Variants in KATNAL2 observed in about 807,000 individuals in gnomAD.
KATNAL2 encodes katanin p60 ATPase-containing subunit A-like 2.
A neutral mutation model predicts 76.3 loss-of-function variants in KATNAL2; 52 were observed. The observed-to-expected ratio is 0.68, with a 90% CI of 0.55 to 0.86. The LOEUF is 0.86. Ranked by LOEUF, KATNAL2 falls within the 40% of genes least tolerant of loss-of-function variation. KATNAL2 has a pLI of 0.00. For missense variants in KATNAL2, 660 were observed against 668.9 expected (o/e 0.99, Z 0.15); for synonymous variants, 243 against 244.2 (o/e 1.00, Z 0.05).
intron 3 of KATNAL2, chr18:47,034,134 C>T: frequency 1.2e-6 from 2 of 1,614,220 alleles, no homozygotes; most frequent in African/African-American, 2.7e-5. Flanking sequence ...GAGTGGGCTG[C>T]TCGAATTCCT....
intron 1 of KATNAL2, among the ~76,000 whole-genome samples, chr18:46,926,314 C>CTCGTGTG (rs2058728873): frequency 6.6e-6 from 1 of 152,072 alleles, no homozygotes; most frequent in African/African-American, 2.4e-5. Flanking sequence ...CAAAGAACAT[C>CTCGTGTG]TTTATTTCTG....
chr18:46,938,343 T>TG (rs1220179818), intron 1 of KATNAL2, among the ~76,000 whole-genome samples: 1 of 152,074 alleles, frequency 6.6e-6, no homozygotes, highest in Non-Finnish European at 1.5e-5. Flanking sequence ...CTGGTACCTC[T>TG]GGGGGATGGG....
At position 47,034,584 on chromosome 18, in the gene KATNAL2, G is replaced by C. The variant is rs781718127; in HGVS notation, c.52-11873G>C. ...GGCGTTTTTCCTGGCGAGACGATTT[G>C]TGCCCCTTGCTGTGGCTCACAACGG... On this transcript the variant is annotated intron_variant, in intron 3 of 17. Transcript: ENST00000683218. The C allele has an allele frequency of 3.7e-6, 6 of 1,614,058 alleles. No homozygotes were observed. In the Admixed American group the frequency reaches 1.0e-4, roughly 27 times the overall value.
At chr18:47,064,979 G>A (rs1474554313) in intron 10 of KATNAL2, among the ~76,000 whole-genome samples, 3 of 152,120 alleles carry the variant, frequency 2.0e-5, no homozygotes, top group Non-Finnish European at 4.4e-5. Context: ...TTAATACCTA[G>A]GTAAATGAAT....
In KATNAL2 at chr18:47,052,953, A is replaced by G; in HGVS notation, c.196A>G (p.Ile66Val). ...GLRRFEVCDN[I>V]DLETILMEYE... ...ACGACGGTTTGAAGTTTGTGACAAC[A>G]TTGATCTTGAAACTATTTTGATGGA... Residue 66 changes from isoleucine to valine, a missense_variant, in exon 5 of 18, where the codon ATT becomes GTT. Ile to Val is a conservative substitution (Grantham distance 29, BLOSUM62 3). Coordinates refer to ENST00000683218, the MANE Select transcript of KATNAL2 (RefSeq NM_001387690.1). 6.2e-7 allele frequency: 1 copy of G among 1,612,218 alleles called. No homozygotes were observed. Among genetic ancestry groups the G allele is most frequent in the African/African-American group, 1.3e-5 (1 of 75,030 alleles).
chr18:47,042,473 G>A (rs2060995469), intron 3 of KATNAL2, among the ~76,000 whole-genome samples: 1 of 152,080 alleles, frequency 6.6e-6, no homozygotes, highest in Non-Finnish European at 1.5e-5. Flanking sequence ...TGTTTTACCT[G>A]CCTACTTACA....
At chr18:46,954,104 A>AGGTAGTCCT (rs1198774968) in intron 3 of KATNAL2, among the ~76,000 whole-genome samples, 1 of 151,820 alleles carries the variant, frequency 6.6e-6, no homozygotes, top group Non-Finnish European at 1.5e-5. Context: ...CAGGTAGTCC[A>AGGTAGTCCT]GGTAGTCCTG....
chr18:47,071,063 G>T (rs1041830303), intron 13 of KATNAL2, among the ~76,000 whole-genome samples: 1 of 152,150 alleles, frequency 6.6e-6, no homozygotes, highest in Non-Finnish European at 1.5e-5. Flanking sequence ...ACAAAATACA[G>T]TATTCACAGG....
At position 47,052,994 on chromosome 18, in the gene KATNAL2, T is replaced by C. The variant is rs780068234; in HGVS notation, c.237T>C (p.Tyr79=). ...TTTTGATGGAATATGAGAGTTATTA[T>C]TTTGTAAAATTTCAGAAATACCCCA... ...ETILMEYESY[Y]FVKFQKYPKI... The change falls in exon 5 of 18, where the codon TAT becomes TAC. Residue 79 remains tyrosine, a synonymous_variant. Coordinates refer to ENST00000683218, the MANE Select transcript of KATNAL2 (RefSeq NM_001387690.1). 1 of 1,607,984 alleles carries C rather than the reference T, an allele frequency of 6.2e-7. No individual in the cohort carries two copies. Among genetic ancestry groups the C allele is most frequent in the South Asian group, 1.1e-5 (1 of 89,276 alleles).
chr18:47,088,664 C>T (rs976869909), intron 15 of KATNAL2, among the ~76,000 whole-genome samples: 1 of 152,118 alleles, frequency 6.6e-6, no homozygotes, highest in Non-Finnish European at 1.5e-5. Context: ...CTGCAACCTC[C>T]GCCTCCCAGG....
In KATNAL2 at chr18:47,101,163, A is replaced by C. The variant is rs1203289671; in HGVS notation, c.*158A>C. The C allele has an allele frequency of 1.3e-6, 1 of 769,402 alleles. No individual in the cohort carries two copies. The highest frequency in any genetic ancestry group is 1.8e-5 in the African/African-American group (1 of 56,952). 47.7% of individuals were successfully genotyped at this position (769,402 alleles called of 1,614,324 possible). On this transcript the variant is annotated 3_prime_UTR_variant, in exon 18 of 18. Coordinates refer to ENST00000683218, the MANE Select transcript of KATNAL2 (RefSeq NM_001387690.1). ...CTGTATTGTTTTGGATAGCTGAGATATATTTATTAACTTACCATTATCGAT... is the reference window on the plus strand; with the variant it reads ...CTGTATTGTTTTGGATAGCTGAGATCTATTTATTAACTTACCATTATCGAT...
intron 15 of KATNAL2, among the ~76,000 whole-genome samples, chr18:47,094,615 T>G (rs762430046): frequency 6.6e-6 from 1 of 152,208 alleles, no homozygotes. Flanking sequence ...GTGGGCTCCA[T>G]GTATTGAGAT....
chr18:47,098,221 CAAAAA>C, intron 15 of KATNAL2: 1 of 309,670 alleles, frequency 3.2e-6, no homozygotes. Flanking sequence ...GACTCCGTCT[CAAAAA>C]AAAAAAAAGT....
intron 17 of KATNAL2, 96 bp from the exon 18 acceptor site, chr18:47,100,770 T>C: frequency 7.1e-7 from 1 of 1,410,220 alleles, no homozygotes; most frequent in South Asian, 1.2e-5. Flanking sequence ...AATGCTGCAT[T>C]ATGCATTATT....
rs554834892 is a variant in KATNAL2, at chr18:47,079,556, G to A, written c.1211+2095G>A. 7.2e-5 allele frequency among the ~76,000 whole-genome samples: 11 copies of A among 151,956 alleles called. No individual in the cohort carries two copies. In the East Asian group the frequency reaches 1.6e-3, roughly 21 times the overall value. Reference sequence around the variant, plus strand: ...ACTACAGGCGCCTGCCACCACGCCCGGCTAATTTTTTTGTATTTTTAATAG... The same window carrying A: ...ACTACAGGCGCCTGCCACCACGCCCAGCTAATTTTTTTGTATTTTTAATAG... On this transcript the variant is annotated intron_variant, in intron 15 of 17. Coordinates refer to ENST00000683218, the MANE Select transcript of KATNAL2 (RefSeq NM_001387690.1).
chr18:47,047,850 A>G (rs1336642864), intron 4 of KATNAL2, among the ~76,000 whole-genome samples: 1 of 152,168 alleles, frequency 6.6e-6, no homozygotes, highest in African/African-American at 2.4e-5. Context: ...CTGGGACTAC[A>G]GGCACATGCC....
At chr18:47,035,504 C>T in intron 3 of KATNAL2, 1 of 808,756 alleles carries the variant, frequency 1.2e-6, no homozygotes, top group Non-Finnish European at 1.9e-6. Flanking sequence ...TGTGGAGCCA[C>T]AGCCTGGAGT....
At chr18:47,076,705 ATTATAG>A (rs1410427761) in intron 14 of KATNAL2, 2 of 151,660 alleles carry the variant, frequency 1.3e-5, no homozygotes, top group East Asian at 3.8e-4. Context: ...TGTTAAAGGA[ATTATAG>A]TTATGGGCAA....
chr18:46,935,624 GA>G (rs1031662939), intron 1 of KATNAL2, among the ~76,000 whole-genome samples: 1 of 150,084 alleles, frequency 6.7e-6, no homozygotes, highest in Admixed American at 6.7e-5. Flanking sequence ...CATTGAAAAA[GA>G]AAAAAAAAGA....
Sources: gnomAD v4.1 joint callset for allele counts (sites outside exome capture counted in the v4.1 genomes callset) on GRCh38, gnomAD v4.1.1 for gene constraint, MANE v1.5 for transcripts, NCBI Gene and HGNC (gene_info 2026-07-23, HGNC 2026-07-21) for gene names.